OLFM2: variants seen among roughly 807,000 people sequenced by gnomAD.
OLFM2 encodes the protein noelin-2.
A neutral mutation model predicts 43.9 loss-of-function variants in OLFM2; 20 were observed. The ratio of observed to expected loss-of-function variants is 0.46; its 90% CI spans 0.32 to 0.66. The LOEUF is 0.66. Among genes scored for constraint, OLFM2 ranks in the 30% least tolerant of loss-of-function variants. The pLI is 0.04. For missense variants in OLFM2, 416 were observed against 643.6 expected (o/e 0.65, Z 3.83); for synonymous variants, 268 against 278.6 (o/e 0.96, Z 0.38).
intron 1 of OLFM2, chr19:9,913,815 G>T: frequency 1.0e-5 from 4 of 387,078 alleles, no homozygotes; most frequent in Non-Finnish European, 1.4e-5. Flanking sequence ...CGCGCCTGGC[G>T]GGCTCCTCTT....
chr19:9,894,412 T>TAATAAAAAA (rs34379733), intron 1 of OLFM2, among the ~76,000 whole-genome samples: 89 of 62,246 alleles, frequency 1.4e-3, no homozygotes, highest in African/African-American at 3.6e-3. Flanking sequence ...ATAATAATAA[T>TAATAAAAAA]AAATAAATAA....
At chr19:9,920,741 C>CAAA (rs557455889) in intron 1 of OLFM2, among the ~76,000 whole-genome samples, 1 of 126,642 alleles carries the variant, frequency 7.9e-6, no homozygotes, top group African/African-American at 2.8e-5. Context: ...ACTAAACATA[C>CAAA]AAAAAAAAAA....
chr19:9,922,038 G>C (rs1204107302), intron 1 of OLFM2, among the ~76,000 whole-genome samples: 4 of 150,482 alleles, frequency 2.7e-5, no homozygotes, highest in African/African-American at 9.8e-5. Flanking sequence ...AGGCTGCAGT[G>C]AGCCGTAATT....
At chr19:9,875,121 C>A (rs578110157) in intron 1 of OLFM2, among the ~76,000 whole-genome samples, 3 of 152,340 alleles carry the variant, frequency 2.0e-5, no homozygotes, top group African/African-American at 7.2e-5. Context: ...GAAATAAAAG[C>A]TTTTCTCCTT....
At chr19:9,901,153 AAAAAGAAAGAAAGGAAGGAAGG>A (rs2046735013) in intron 1 of OLFM2, among the ~76,000 whole-genome samples, 1 of 150,508 alleles carries the variant, frequency 6.6e-6, no homozygotes, top group African/African-American at 2.4e-5. Flanking sequence ...AGAAGGAAAG[AAAAAGAAAGAAAGGAAGGAAGG>A]AAAAGAAAGA....
intron 1 of OLFM2, among the ~76,000 whole-genome samples, chr19:9,932,666 G>A (rs1030100944): frequency 4.1e-4 from 62 of 152,062 alleles, no homozygotes; most frequent in African/African-American, 1.4e-3. Context: ...CCTGAGGCAC[G>A]TGATCTAAAC....
intron 1 of OLFM2, among the ~76,000 whole-genome samples, chr19:9,925,122 G>A (rs1281607771): frequency 1.3e-5 from 2 of 151,958 alleles, no homozygotes; most frequent in Non-Finnish European, 2.9e-5. Flanking sequence ...AGGCCTGGCG[G>A]TGCATAGTCC....
At chr19:9,881,518 C>T (rs988246858) in intron 1 of OLFM2, among the ~76,000 whole-genome samples, 4 of 151,980 alleles carry the variant, frequency 2.6e-5, no homozygotes, top group African/African-American at 4.8e-5. Flanking sequence ...TTCTGGAGGC[C>T]GGAAGTCAGA....
intron 1 of OLFM2, among the ~76,000 whole-genome samples, chr19:9,930,084 G>A (rs1275259772): frequency 2.6e-5 from 4 of 152,032 alleles, no homozygotes; most frequent in African/African-American, 7.2e-5. Flanking sequence ...ATACCATATG[G>A]TTGGCCTACA....
chr19:9,920,327 G>C (rs1323028761), intron 1 of OLFM2, among the ~76,000 whole-genome samples: 2 of 152,102 alleles, frequency 1.3e-5, no homozygotes, highest in African/African-American at 4.8e-5. Context: ...CTCCCTCTTT[G>C]AGGTGCCCTG....
chr19:9,878,711 C>A (rs943585731), intron 1 of OLFM2, among the ~76,000 whole-genome samples: 1 of 152,100 alleles, frequency 6.6e-6, no homozygotes, highest in Non-Finnish European at 1.5e-5. Context: ...GGACAGCACC[C>A]TCCACAGCTT....
intron 1 of OLFM2, among the ~76,000 whole-genome samples, chr19:9,894,412 T>TAATAATAAAAAA (rs34379733): frequency 1.6e-5 from 1 of 62,226 alleles, no homozygotes; most frequent in African/African-American, 4.1e-5. Flanking sequence ...ATAATAATAA[T>TAATAATAAAAAA]AAATAAATAA....
At chr19:9,884,624 C>T (rs749171569) in intron 1 of OLFM2, among the ~76,000 whole-genome samples, 5 of 152,176 alleles carry the variant, frequency 3.3e-5, no homozygotes, top group Admixed American at 6.5e-5. Context: ...TTCTTCAGAG[C>T]TCACAGCAAA....
Position 9,936,403 on chromosome 19 carries a change from C to T in OLFM2, c.-37G>A. ...AGCCCGGCGTCCCGACCCCCGCCCG[C>T]CCTAGCGGCGCCTCGGCGCGGGGAC... On this transcript the variant is annotated 5_prime_UTR_variant, in exon 1 of 6. Transcript: ENST00000264833. 1.6e-6 allele frequency: 2 copies of T among 1,268,230 alleles called. No homozygotes were observed. The highest frequency in any genetic ancestry group is 2.0e-6 in the Non-Finnish European group (2 of 1,008,720). 78.6% of individuals were successfully genotyped at this position (1,268,230 alleles called of 1,614,324 possible).
chr19:9,935,760 C>A (rs1047915178), intron 1 of OLFM2, among the ~76,000 whole-genome samples: 3 of 151,772 alleles, frequency 2.0e-5, no homozygotes. Flanking sequence ...CCAACCGCCA[C>A]ACACACAAAC....
At chr19:9,893,389 T>C (rs2046654483) in intron 1 of OLFM2, among the ~76,000 whole-genome samples, 1 of 152,118 alleles carries the variant, frequency 6.6e-6, no homozygotes, top group African/African-American at 2.4e-5. Flanking sequence ...GGTCTCGAAC[T>C]CCCAACCTCA....
intron 1 of OLFM2, among the ~76,000 whole-genome samples, chr19:9,903,579 A>G (rs1599491023): frequency 6.6e-6 from 1 of 152,160 alleles, no homozygotes; most frequent in Admixed American, 6.5e-5. Flanking sequence ...AGGTCTCCCC[A>G]ACGAACTCAT....
At chr19:9,920,427 C>T (rs761687540) in intron 1 of OLFM2, among the ~76,000 whole-genome samples, 71 of 152,064 alleles carry the variant, frequency 4.7e-4, no homozygotes, top group Non-Finnish European at 9.0e-4. Flanking sequence ...ATGATGTACC[C>T]ACGGTCAGAA....
chr19:9,929,988 G>A (rs1178328188), intron 1 of OLFM2, among the ~76,000 whole-genome samples: 4 of 152,026 alleles, frequency 2.6e-5, no homozygotes, highest in South Asian at 4.1e-4. Context: ...GCGGTGAGCC[G>A]AGATCGCGCC....
Sources: allele counts gnomAD v4.1 joint callset (sites outside exome capture counted in the v4.1 genomes callset), GRCh38; gene constraint gnomAD v4.1.1; transcripts MANE v1.5; gene names NCBI Gene and HGNC (gene_info 2026-07-23, HGNC 2026-07-21).